TMED3: variants seen among roughly 807,000 people sequenced by gnomAD.
TMED3 encodes transmembrane p24 trafficking protein 3, also known as transmembrane emp24 domain-containing protein 3.
In TMED3, 9 loss-of-function variants were observed where a neutral mutation model predicts 15.0. The observed-to-expected ratio is 0.60, with a 90% CI of 0.36 to 1.04. The LOEUF is 1.04. Ranked by LOEUF, TMED3 falls within the 50% of genes least tolerant of loss-of-function variation. The probability of loss-of-function intolerance (pLI) is 0.01; values close to 1 mark genes in which losing one functional copy is unlikely to be tolerated. For missense variants in TMED3, 267 were observed against 278.9 expected, an observed-to-expected ratio of 0.96 and a Z score of 0.30; for synonymous variants, 117 against 121.4, an observed-to-expected ratio of 0.96 and a Z score of 0.24.
chr15:79,406,914 T>C (rs923014940), intron 2 of TMED3, among the ~76,000 whole-genome samples: 1 of 152,232 alleles, frequency 6.6e-6, no homozygotes, highest in Non-Finnish European at 1.5e-5. Context: ...CTAGAGAGCC[T>C]AGTTCTATGC....
At chr15:79,324,914 A>T (rs542982256), downstream of TMED3, among the ~76,000 whole-genome samples, 7 of 152,166 alleles carry the variant, frequency 4.6e-5, no homozygotes, top group Non-Finnish European at 1.0e-4. Context: ...CTGAACCTTC[A>T]TTTCCTCATC....
At chr15:79,317,468 A>G (rs1027766798) in intron 2 of TMED3, among the ~76,000 whole-genome samples, 1 of 152,204 alleles carries the variant, frequency 6.6e-6, no homozygotes, top group African/African-American at 2.4e-5. Context: ...GTCTAGTTGT[A>G]CACTTTGTTT....
intron 2 of TMED3, among the ~76,000 whole-genome samples, chr15:79,393,649 T>A (rs1020393268): frequency 4.6e-5 from 7 of 152,190 alleles, no homozygotes; most frequent in African/African-American, 1.7e-4. Flanking sequence ...AAATGATAAA[T>A]GCCTAGAAGA....
chr15:79,318,318 CTG>C (rs2058750022), intron 2 of TMED3, among the ~76,000 whole-genome samples: 1 of 152,220 alleles, frequency 6.6e-6, no homozygotes, highest in African/African-American at 2.4e-5. Flanking sequence ...AGACCCAGGA[CTG>C]TGTCTGGCTC....
chr15:79,383,025 T>C (rs1194538105), intron 2 of TMED3: 2 of 1,535,458 alleles, frequency 1.3e-6, no homozygotes, highest in Non-Finnish European at 1.7e-6. Flanking sequence ...GTGATCACCA[T>C]CTGGGATCTA....
At chr15:79,333,696 G>A (rs1214791860) in intron 2 of TMED3, among the ~76,000 whole-genome samples, 1 of 152,192 alleles carries the variant, frequency 6.6e-6, no homozygotes, top group Admixed American at 6.5e-5. Flanking sequence ...TTTCAGTAGT[G>A]CACAGGAAAC....
chr15:79,334,378 C>A (rs2058819879), intron 2 of TMED3, among the ~76,000 whole-genome samples: 1 of 152,184 alleles, frequency 6.6e-6, no homozygotes, highest in Non-Finnish European at 1.5e-5. Flanking sequence ...CTTGGAATGG[C>A]AGCATCTAGG....
rs749485422 is a variant in TMED3 at position 79,313,906 on chromosome 15, T to C, written c.318T>C (p.Phe106=). 5.9e-5 allele frequency: 95 copies of C among 1,614,064 alleles called. No homozygotes were observed. The highest frequency in any genetic ancestry group is 4.9e-4 in the Middle Eastern group (3 of 6,084). The change falls in exon 2 of 3, where the codon TTT becomes TTC. Residue 106 remains phenylalanine (F), a synonymous_variant. Coordinates refer to ENST00000299705, the MANE Select transcript of TMED3 (RefSeq NM_007364.4). The part of the protein sequence containing the change: ...GVYQFCFSNE[F]STFSHKTVYF... ...ATCAGTTTTGCTTCAGTAATGAGTT[T>C]TCCACCTTCTCTCACAAGACCGTCT...
At chr15:79,341,872 G>A (rs916985287) in intron 2 of TMED3, among the ~76,000 whole-genome samples, 1 of 152,146 alleles carries the variant, frequency 6.6e-6, no homozygotes, top group Non-Finnish European at 1.5e-5. Context: ...GCGCTTACTG[G>A]GTAGAGTCCA....
At chr15:79,357,569 A>T (rs1261507291) in intron 2 of TMED3, among the ~76,000 whole-genome samples, 1 of 145,302 alleles carries the variant, frequency 6.9e-6, no homozygotes, top group African/African-American at 2.5e-5. Context: ...AACTAGTGTT[A>T]TACCTCCTTC....
chr15:79,383,014 T>G (rs910235935), intron 2 of TMED3: 33 of 1,535,380 alleles, frequency 2.1e-5, no homozygotes, highest in Non-Finnish European at 2.7e-5. Flanking sequence ...AGGGTTCCAG[T>G]GTGATCACCA....
At chr15:79,316,592 A>G (rs2058741373) in intron 2 of TMED3, among the ~76,000 whole-genome samples, 1 of 152,314 alleles carries the variant, frequency 6.6e-6, no homozygotes, top group South Asian at 2.1e-4. Flanking sequence ...AGACCTCGGC[A>G]TCCGCTGGTG....
intron 2 of TMED3, among the ~76,000 whole-genome samples, chr15:79,376,178 C>A (rs536063107): frequency 7.1e-6 from 1 of 140,170 alleles, no homozygotes; most frequent in African/African-American, 2.7e-5. Flanking sequence ...GGCGCGATCT[C>A]GGCTCACTGC....
At chr15:79,413,263 A>G (rs1894017995) in exon 3 of TMED3, 1 of 152,202 alleles carries the variant, frequency 6.6e-6, no homozygotes, top group African/African-American at 2.4e-5. Flanking sequence ...AGATTCAGAG[A>G]AGGACTGTAG....
At chr15:79,411,532 G>A in exon 3 of TMED3, 1 of 701,134 alleles carries the variant, frequency 1.4e-6, no homozygotes, top group Non-Finnish European at 2.6e-6. Context: ...GGCACTGAGA[G>A]TGGATGGAGG....
At chr15:79,376,050 G>A (rs189732726) in intron 2 of TMED3, among the ~76,000 whole-genome samples, 158 of 148,598 alleles carry the variant, frequency 1.1e-3, no homozygotes, top group South Asian at 4.2e-3. Flanking sequence ...CAAGTCAGGT[G>A]ACATACCGTA....
chr15:79,399,121 G>A (rs1893800368), intron 2 of TMED3, among the ~76,000 whole-genome samples: 1 of 152,136 alleles, frequency 6.6e-6, no homozygotes, highest in Admixed American at 6.6e-5. Flanking sequence ...ATGTTGGCCA[G>A]GCTGGTCTCA....
chr15:79,322,686 G>A lies in TMED3; in HGVS notation c.*472G>A. ...CTGTACCTGAGGAAACCAGGCCCTG[G>A]GTGACTTTGCAGATCTGCTCACCCT... On this transcript the variant is annotated 3_prime_UTR_variant, in exon 3 of 3. Coordinates refer to ENST00000299705, the MANE Select transcript of TMED3 (RefSeq NM_007364.4). 1.0e-6 allele frequency: 1 copy of A among 987,058 alleles called. No individual in the cohort carries two copies. Among genetic ancestry groups the A allele is most frequent in the Non-Finnish European group, 1.2e-6 (1 of 831,296 alleles). The allele number at this position is 987,058 out of a possible 1,614,324, so 61.1% of individuals were successfully genotyped here.
intron 2 of TMED3, among the ~76,000 whole-genome samples, chr15:79,370,745 T>C (rs1157125604): frequency 6.6e-6 from 1 of 152,188 alleles, no homozygotes; most frequent in African/African-American, 2.4e-5. Flanking sequence ...CCTGTGGATA[T>C]AGTTTTGAGT....
Sources: allele counts gnomAD v4.1 joint callset (sites outside exome capture counted in the v4.1 genomes callset), GRCh38; gene constraint gnomAD v4.1.1; transcripts MANE v1.5; gene names NCBI Gene and HGNC (gene_info 2026-07-23, HGNC 2026-07-21).